Variants in XIRP2 observed in about 807,000 individuals in gnomAD.
XIRP2 encodes the protein xin actin-binding repeat-containing protein 2.
Under a neutral mutation model 277.0 loss-of-function variants are expected in XIRP2, and 236 were observed. That is an observed-to-expected ratio of 0.85 (90% CI 0.77 to 0.95). The LOEUF is 0.95. Among genes scored for constraint, XIRP2 ranks in the 40% least tolerant of loss-of-function variants. The pLI is 0.00. For missense variants in XIRP2, 4,640 were observed against 4,157.5 expected (o/e 1.12, Z -3.19); for synonymous variants, 1,490 against 1,416.5 (o/e 1.05, Z -1.17).
At position 167,084,031 on chromosome 2, in the gene XIRP2, G is replaced by C. The variant is rs1359554450; in HGVS notation, c.409-51878G>C. On this transcript the variant is annotated intron_variant, in intron 2 of 10. Transcript: ENST00000409195. ...CCTGTCTTGTGCCAGTTTTCAAAGG[G>C]AATGCTTCCAGTTTTTGCCCATTCA... 2.6e-5 allele frequency among the ~76,000 whole-genome samples: 4 copies of C among 151,882 alleles called. No individual in the cohort carries two copies. The East Asian group carries it at 5.8e-4, about 22-fold the overall frequency.
At chr2:167,094,877 G>A (rs1232415643) in intron 2 of XIRP2, among the ~76,000 whole-genome samples, 1 of 152,118 alleles carries the variant, frequency 6.6e-6, no homozygotes, top group Non-Finnish European at 1.5e-5. Context: ...GCTTGATGGG[G>A]ATAGCATTGA....
chr2:167,035,283 T>C (rs938207439), intron 2 of XIRP2, among the ~76,000 whole-genome samples: 1 of 152,162 alleles, frequency 6.6e-6, no homozygotes, highest in Non-Finnish European at 1.5e-5. Flanking sequence ...GCTCAGAAGA[T>C]GACAGGAAAA....
intron 3 of XIRP2, among the ~76,000 whole-genome samples, chr2:167,200,895 G>C (rs898898396): frequency 3.3e-5 from 5 of 152,106 alleles, no homozygotes; most frequent in African/African-American, 1.2e-4. Context: ...GGAGGCCAAG[G>C]CAGCTGTATT....
chr2:166,999,920 GA>G (rs1291444562), intron 2 of XIRP2, among the ~76,000 whole-genome samples: 1 of 151,802 alleles, frequency 6.6e-6, no homozygotes, highest in South Asian at 2.1e-4. Context: ...ATTATTATAA[GA>G]AAAAAATATT....
At chr2:167,173,065 C>T (rs947017909) in intron 3 of XIRP2, among the ~76,000 whole-genome samples, 5 of 152,286 alleles carry the variant, frequency 3.3e-5, no homozygotes, top group East Asian at 3.9e-4. Context: ...TCCCTCCATC[C>T]GGGGTCCCTG....
chr2:167,124,235 T>C (rs1185848073), intron 2 of XIRP2: 1 of 152,208 alleles, frequency 6.6e-6, no homozygotes, highest in African/African-American at 2.4e-5. Context: ...ACTGATTTTG[T>C]TTCTCTCACG....
chr2:167,160,729 AC>A (rs1692338863), intron 3 of XIRP2, among the ~76,000 whole-genome samples: 1 of 152,112 alleles, frequency 6.6e-6, no homozygotes, highest in Non-Finnish European at 1.5e-5. Flanking sequence ...ACACAGACAA[AC>A]CATATCATTC....
intron 2 of XIRP2, among the ~76,000 whole-genome samples, chr2:167,134,778 G>A (rs890006184): frequency 6.6e-6 from 1 of 152,088 alleles, no homozygotes; most frequent in Non-Finnish European, 1.5e-5. Context: ...ACACTATGCT[G>A]TAATAAAAGT....
intron 2 of XIRP2, among the ~76,000 whole-genome samples, chr2:167,059,479 A>G (rs1339676448): frequency 1.3e-5 from 2 of 151,654 alleles, no homozygotes; most frequent in Non-Finnish European, 2.9e-5. Flanking sequence ...ATAAAATAAA[A>G]TAAAATAAAA....
At position 167,029,757 on chromosome 2, in the gene XIRP2, T is replaced by A. The variant is rs549568439; in HGVS notation, c.409-106152T>A. ...GGGAGGAGTCCCTCTTTTTCTATTG[T>A]TTGGAATAGTTTCAGAAGGAATGAT... On this transcript the variant is annotated intron_variant, in intron 2 of 10. Transcript: ENST00000409195. Among the ~76,000 whole-genome samples the A allele has an allele frequency of 2.0e-5, 3 of 152,198 alleles. No homozygotes were observed. In the East Asian group the frequency reaches 5.8e-4, roughly 29 times the overall value.
chr2:167,232,347 G>A (rs16853286), intron 5 of XIRP2, among the ~76,000 whole-genome samples: 23,049 of 151,784 alleles, frequency 0.15, 2,175 homozygotes, highest in African/African-American at 0.27. Context: ...CCACATGTCA[G>A]GAGCCAGAAT....
intron 1 of XIRP2, among the ~76,000 whole-genome samples, chr2:166,900,296 T>G (rs767541097): frequency 4.6e-5 from 7 of 152,094 alleles, no homozygotes; most frequent in Non-Finnish European, 7.4e-5. Flanking sequence ...AAATGTTCGT[T>G]ATTTCTACCT....
intron 3 of XIRP2, among the ~76,000 whole-genome samples, chr2:167,210,200 A>G (rs1000305336): frequency 2.0e-5 from 3 of 152,164 alleles, no homozygotes; most frequent in Admixed American, 1.3e-4. Context: ...ATATCTCCTT[A>G]AAGGTTGAGG....
At chr2:167,008,442 T>A (rs2105465654) in intron 2 of XIRP2, among the ~76,000 whole-genome samples, 1 of 151,708 alleles carries the variant, frequency 6.6e-6, no homozygotes. Flanking sequence ...GCCATAAAAT[T>A]CTGTCATAAT....
In XIRP2 at chr2:167,179,877, G is replaced by T. The variant is rs544131925; in HGVS notation, c.563-30858G>T. Among the ~76,000 whole-genome samples, 3 of 151,990 alleles carry T rather than the reference G, an allele frequency of 2.0e-5. No individual in the cohort carries two copies. The East Asian group carries it at 5.8e-4, about 30-fold the overall frequency. Reference sequence around the variant, plus strand: ...TGTCTAGGCTCTTCTCAAACTCCTGGGCTCAGGTCATCCTTTCGCCCCACA... The same window carrying T: ...TGTCTAGGCTCTTCTCAAACTCCTGTGCTCAGGTCATCCTTTCGCCCCACA... On this transcript the variant is annotated intron_variant, in intron 3 of 10. Transcript: ENST00000409195.
At chr2:167,129,344 TG>T (rs1245180780) in intron 2 of XIRP2, among the ~76,000 whole-genome samples, 1 of 151,556 alleles carries the variant, frequency 6.6e-6, no homozygotes, top group Non-Finnish European at 1.5e-5. Context: ...TATATTTTCC[TG>T]GGGACCTCTT....
At chr2:167,176,556 A>G (rs1692852964) in intron 3 of XIRP2, among the ~76,000 whole-genome samples, 1 of 152,154 alleles carries the variant, frequency 6.6e-6, no homozygotes, top group African/African-American at 2.4e-5. Flanking sequence ...ATGGTAGGTC[A>G]CGTGTTCTTG....
chr2:166,891,423 A>T (rs1330883410), intron 1 of XIRP2, among the ~76,000 whole-genome samples: 3 of 152,198 alleles, frequency 2.0e-5, no homozygotes, highest in Non-Finnish European at 2.9e-5. Context: ...TGGCAGAAAA[A>T]TTAATTGTTC....
Position 166,957,831 on chromosome 2 carries a change from T to G in XIRP2, c.408+53941T>G, listed in dbSNP as rs78426741. Among the ~76,000 whole-genome samples, 928 of 151,956 alleles carry G rather than the reference T, an allele frequency of 6.1e-3. 76 individuals carry two copies. In the East Asian group the frequency reaches 0.16, roughly 26 times the overall value. On this transcript the variant is annotated intron_variant, in intron 2 of 10. Transcript: ENST00000409195. ...TTGATTTTCACGTTAATCATTGACTTTATAACCTAACTCTGTATAAGACAT... is the reference window on the plus strand; with the variant it reads ...TTGATTTTCACGTTAATCATTGACTGTATAACCTAACTCTGTATAAGACAT...
Sources: gnomAD v4.1 joint callset for allele counts (sites outside exome capture counted in the v4.1 genomes callset) on GRCh38, gnomAD v4.1.1 for gene constraint, MANE v1.5 for transcripts, NCBI Gene and HGNC (gene_info 2026-07-23, HGNC 2026-07-21) for gene names.